Variants in VPS45 observed in about 807,000 individuals in gnomAD.
VPS45 encodes vacuolar protein sorting 45 homolog, also known as vacuolar protein sorting-associated protein 45.
A neutral mutation model predicts 75.9 loss-of-function variants in VPS45; 35 were observed. The observed-to-expected ratio is 0.46, with a 90% CI of 0.35 to 0.61. The LOEUF is 0.61. Among genes scored for constraint, VPS45 ranks in the 20% least tolerant of loss-of-function variants. The pLI, the probability that VPS45 is intolerant of heterozygous loss-of-function variation, is 0.00. For synonymous variants in VPS45, 220 were observed against 238.2 expected, an observed-to-expected ratio of 0.92 and a Z score of 0.70; for missense variants, 559 against 685.9, an observed-to-expected ratio of 0.81 and a Z score of 2.07.
chr1:150,125,250 C>T (rs1425259822), intron 14 of VPS45, among the ~76,000 whole-genome samples: 20 of 150,916 alleles, frequency 1.3e-4, no homozygotes, highest in Non-Finnish European at 2.2e-4. Flanking sequence ...CATAACAGCA[C>T]ATCAAACATT....
chr1:150,099,357 C>T (rs950968968), intron 13 of VPS45, among the ~76,000 whole-genome samples: 6 of 151,338 alleles, frequency 4.0e-5, no homozygotes, highest in Non-Finnish European at 8.8e-5. Context: ...AAAAATTAGC[C>T]GGGTGTGGTG....
intron 3 of VPS45, 44 bp from the exon 4 acceptor site, chr1:150,076,189 C>A: frequency 6.6e-7 from 1 of 1,508,562 alleles, no homozygotes; most frequent in Non-Finnish European, 9.1e-7. Context: ...TATATTGCAG[C>A]AGAAATTATC....
At chr1:150,092,719 A>AT (rs1434876674) in intron 12 of VPS45, among the ~76,000 whole-genome samples, 1 of 151,880 alleles carries the variant, frequency 6.6e-6, no homozygotes, top group African/African-American at 2.4e-5. Flanking sequence ...ATAATTAAAG[A>AT]TTTTTTAGGT....
At chr1:150,076,169 C>A in intron 3 of VPS45, 64 bp from the exon 4 acceptor site, 1 of 1,260,680 alleles carries the variant, frequency 7.9e-7, no homozygotes, top group Non-Finnish European at 1.1e-6. Flanking sequence ...AACTATCAGG[C>A]CCTTTTACAT....
intron 14 of VPS45, among the ~76,000 whole-genome samples, chr1:150,116,911 T>TA (rs1187171824): frequency 1.3e-5 from 2 of 152,038 alleles, no homozygotes; most frequent in Non-Finnish European, 2.9e-5. Flanking sequence ...TATCTCCATT[T>TA]AAAAAAATAG....
intron 13 of VPS45, among the ~76,000 whole-genome samples, chr1:150,108,992 A>G (rs1657490613): frequency 6.6e-6 from 1 of 151,968 alleles, no homozygotes; most frequent in Non-Finnish European, 1.5e-5. Flanking sequence ...CATCATTGGT[A>G]GCTTGTATAA....
intron 14 of VPS45, among the ~76,000 whole-genome samples, chr1:150,124,733 AT>A (rs1406043476): frequency 1.1e-5 from 1 of 91,622 alleles, no homozygotes; most frequent in African/African-American, 4.5e-5. Context: ...TTTTTTTTGT[AT>A]TTTTAGTAGA....
intron 10 of VPS45, among the ~76,000 whole-genome samples, chr1:150,087,762 G>C (rs1008602906): frequency 6.6e-6 from 1 of 152,168 alleles, no homozygotes; most frequent in East Asian, 1.9e-4. Context: ...GATGCCTCTA[G>C]CTAGAACATG....
chr1:150,123,471 A>G (rs993881137), intron 14 of VPS45, among the ~76,000 whole-genome samples: 7 of 152,172 alleles, frequency 4.6e-5, no homozygotes, highest in African/African-American at 1.7e-4. Context: ...TAAAAATGCA[A>G]ATTTCTAGAT....
upstream of VPS45, chr1:150,067,726 G>T: frequency 1.2e-6 from 1 of 825,636 alleles, no homozygotes; most frequent in Non-Finnish European, 2.0e-6. Context: ...TCCCAGCACC[G>T]TGGCTGCCCG....
intron 13 of VPS45, among the ~76,000 whole-genome samples, chr1:150,105,286 T>C (rs1553805469): frequency 6.6e-6 from 1 of 152,164 alleles, no homozygotes; most frequent in African/African-American, 2.4e-5. Flanking sequence ...AATCAGGCAA[T>C]AGAAAGAAAT....
At chr1:150,141,285 T>C (rs893441742) in intron 14 of VPS45, among the ~76,000 whole-genome samples, 13 of 152,214 alleles carry the variant, frequency 8.5e-5, no homozygotes, top group African/African-American at 2.9e-4. Flanking sequence ...ATTATAACAC[T>C]ATTCAGGTTC....
chr1:150,073,799 C>A (rs894601315), intron 3 of VPS45, among the ~76,000 whole-genome samples: 5 of 152,024 alleles, frequency 3.3e-5, no homozygotes, highest in Non-Finnish European at 5.9e-5. Context: ...CTATAAGGAT[C>A]CCTTTTATTA....
intron 14 of VPS45, among the ~76,000 whole-genome samples, chr1:150,115,331 T>C (rs1390904292): frequency 6.6e-6 from 1 of 152,224 alleles, no homozygotes; most frequent in African/African-American, 2.4e-5. Context: ...ATTTGTCTAC[T>C]AAGTCCACTA....
intron 2 of VPS45, 35 bp from the exon 3 acceptor site, chr1:150,072,131 C>T (rs1032374437): frequency 1.9e-6 from 3 of 1,578,124 alleles, no homozygotes; most frequent in Non-Finnish European, 2.6e-6. Flanking sequence ...AAGCAACTCT[C>T]CTCATATTTT....
chr1:150,081,482 T>C lies in VPS45; in HGVS notation c.822+6T>C. On this transcript the variant is annotated splice_donor_region_variant and intron_variant, in intron 8 of 14. Transcript: ENST00000644510. ...ATGATGAATTCTATGCTAATGTAGG[T>C]GGTTTAAATTTTTTTAAATTGTCTT... 3 of 1,595,144 alleles carry C rather than the reference T, an allele frequency of 1.9e-6. No individual in the cohort carries two copies. Among genetic ancestry groups the C allele is most frequent in the Non-Finnish European group, 2.6e-6 (3 of 1,175,534 alleles).
In VPS45 at chr1:150,108,074, G is replaced by A. The variant is rs587768293; in HGVS notation, c.1494-2422G>A. ...CCAAAGTTTTTGGCCCAAGCAACTA[G>A]AAGGCTAAAGTGACCATCAAGTAAG... On this transcript the variant is annotated intron_variant, in intron 13 of 14. Transcript: ENST00000644510. Among the ~76,000 whole-genome samples, 11 of 152,282 alleles carry A rather than the reference G, an allele frequency of 7.2e-5. No homozygotes were observed. The East Asian group carries it at 2.1e-3, about 29-fold the overall frequency.
intron 13 of VPS45, among the ~76,000 whole-genome samples, chr1:150,102,250 A>AAC (rs1453458208): frequency 1.4e-5 from 2 of 146,818 alleles, no homozygotes; most frequent in Non-Finnish European, 3.0e-5. Flanking sequence ...AAAAAAAAAA[A>AAC]AAAACAAACA....
At chr1:150,137,650 C>T (rs1316342452) in intron 14 of VPS45, among the ~76,000 whole-genome samples, 1 of 152,188 alleles carries the variant, frequency 6.6e-6, no homozygotes, top group East Asian at 1.9e-4. Context: ...CACAGTGGCT[C>T]ACGCCTGTAA....
Sources: gnomAD v4.1 joint callset for allele counts (sites outside exome capture counted in the v4.1 genomes callset) on GRCh38, gnomAD v4.1.1 for gene constraint, MANE v1.5 for transcripts, NCBI Gene and HGNC (gene_info 2026-07-23, HGNC 2026-07-21) for gene names.